Variants in EPC2 observed in about 807,000 individuals in gnomAD.
The protein encoded by EPC2 is enhancer of polycomb 2.
EPC2 carries 14 observed loss-of-function variants against 92.1 expected under a neutral mutation model. The ratio of observed to expected loss-of-function variants is 0.15; its 90% CI spans 0.10 to 0.24. EPC2 has a LOEUF of 0.24. Ranked by LOEUF, EPC2 falls within the 10% of genes least tolerant of loss-of-function variation. The probability of loss-of-function intolerance (pLI) is 1.00; values close to 1 mark genes in which losing one functional copy is unlikely to be tolerated. For missense variants in EPC2, 755 were observed against 971.5 expected (o/e 0.78, Z 2.96); for synonymous variants, 340 against 334.7 (o/e 1.02, Z -0.17).
rs1208879824 is a variant in EPC2 at position 148,663,193 on chromosome 2, TG to T, written c.153+18024del. Among the ~76,000 whole-genome samples the T allele has an allele frequency of 3.0e-3, 295 of 98,644 alleles. 3 individuals carry two copies. Among genetic ancestry groups the T allele is most frequent in the Middle Eastern group, 9.6e-3 (2 of 208 alleles). 64.7% of individuals were successfully genotyped at this position (98,644 alleles called of 152,430 possible). On this transcript the variant is annotated intron_variant, in intron 1 of 13. Coordinates refer to ENST00000258484, the MANE Select transcript of EPC2 (RefSeq NM_015630.4). ...CCTCAAAAGGTATCTACTGTGTTTT[TG>T]TATTATTATTATTATTATTATTATT...
intron 2 of EPC2, among the ~76,000 whole-genome samples, chr2:148,729,031 CAAAAAA>C (rs376309552): frequency 0.024 from 1,521 of 63,580 alleles, 24 homozygotes; most frequent in African/African-American, 0.1. Flanking sequence ...AACTCCATCT[CAAAAAA>C]AAAAAAAAAA....
intron 7 of EPC2, among the ~76,000 whole-genome samples, chr2:148,766,964 G>A (rs923262932): frequency 2.6e-5 from 4 of 152,042 alleles, no homozygotes; most frequent in Non-Finnish European, 5.9e-5. Context: ...CAGGTGGATT[G>A]CTTGAGCCCA....
At chr2:148,705,282 G>T (rs2081296650) in intron 2 of EPC2, among the ~76,000 whole-genome samples, 1 of 149,324 alleles carries the variant, frequency 6.7e-6, no homozygotes, top group South Asian at 2.2e-4. Context: ...ATTTACTACT[G>T]CACAGTTATC....
intron 2 of EPC2, among the ~76,000 whole-genome samples, chr2:148,707,250 A>G (rs140134302): frequency 0.025 from 3,843 of 152,324 alleles, 55 homozygotes; most frequent in East Asian, 0.032. Context: ...AGAGATAAAG[A>G]AGGCCATTAC....
intron 2 of EPC2, among the ~76,000 whole-genome samples, chr2:148,743,265 C>A (rs763736962): frequency 6.6e-6 from 1 of 151,990 alleles, no homozygotes. Context: ...CCATTATACT[C>A]TGTTCTTGAG....
At chr2:148,670,841 G>A (rs1264854292) in intron 1 of EPC2, among the ~76,000 whole-genome samples, 3 of 151,880 alleles carry the variant, frequency 2.0e-5, no homozygotes, top group Admixed American at 6.6e-5. Flanking sequence ...TAGCTGGCAC[G>A]TGCCACCTAT....
chr2:148,741,303 AC>A (rs1170576223), intron 2 of EPC2, among the ~76,000 whole-genome samples: 39 of 152,256 alleles, frequency 2.6e-4, no homozygotes, highest in African/African-American at 9.4e-4. Context: ...CACTTTGAGT[AC>A]TACCTTGCCC....
Position 148,644,798 on chromosome 2 carries a change from G to C in EPC2, c.-220G>C, listed in dbSNP as rs995641830. Reference sequence around the variant, plus strand: ...ATGGCGCAGGGAGCGGATCGGGCGGGCGAGCGGCGGATCTAGTGTGTGGAG... The same window carrying C: ...ATGGCGCAGGGAGCGGATCGGGCGGCCGAGCGGCGGATCTAGTGTGTGGAG... On this transcript the variant is annotated 5_prime_UTR_variant, in exon 1 of 14. Coordinates refer to ENST00000258484, the MANE Select transcript of EPC2 (RefSeq NM_015630.4). 7.3e-5 allele frequency among the ~76,000 whole-genome samples: 11 copies of C among 150,582 alleles called. No individual in the cohort carries two copies. The highest frequency in any genetic ancestry group is 2.7e-4 in the African/African-American group (11 of 41,054).
At chr2:148,671,873 G>GTA (rs751053434) in intron 1 of EPC2, among the ~76,000 whole-genome samples, 1 of 151,744 alleles carries the variant, frequency 6.6e-6, no homozygotes, top group Non-Finnish European at 1.5e-5. Context: ...GGTGTACAGT[G>GTA]TATAGTTGAG....
intron 10 of EPC2, among the ~76,000 whole-genome samples, chr2:148,772,589 A>C (rs1189688006): frequency 2.6e-5 from 4 of 152,140 alleles, no homozygotes; most frequent in Non-Finnish European, 5.9e-5. Context: ...TATAATGGAA[A>C]ATTGGATTTG....
intron 1 of EPC2, among the ~76,000 whole-genome samples, chr2:148,657,796 G>A (rs893190295): frequency 1.7e-4 from 26 of 152,040 alleles, no homozygotes; most frequent in African/African-American, 5.1e-4. Context: ...ATGCCTTTCT[G>A]CCTTACCATT....
intron 7 of EPC2, among the ~76,000 whole-genome samples, chr2:148,766,999 C>T (rs1478762688): frequency 1.3e-5 from 2 of 151,944 alleles, no homozygotes; most frequent in African/African-American, 4.8e-5. Context: ...GCCTGGGCAA[C>T]ATGGTGAAAC....
chr2:148,692,108 G>A (rs553244139), intron 2 of EPC2: 38 of 240,296 alleles, frequency 1.6e-4, no homozygotes, highest in African/African-American at 8.1e-4. Context: ...GTACCATAGG[G>A]ACTACGAAAA....
chr2:148,743,802 A>G (rs761502778), intron 3 of EPC2, 35 bp downstream of exon 3: 21 of 1,460,438 alleles, frequency 1.4e-5, no homozygotes, highest in Non-Finnish European at 1.8e-5. Context: ...CTTATCTTCT[A>G]GTTAACCCAA....
chr2:148,776,607 AC>A (rs1437345863), intron 10 of EPC2, among the ~76,000 whole-genome samples: 1 of 152,196 alleles, frequency 6.6e-6, no homozygotes, highest in East Asian at 1.9e-4. Context: ...TCCTATTCTA[AC>A]CCAGAGGATT....
intron 2 of EPC2, among the ~76,000 whole-genome samples, chr2:148,708,497 G>A (rs968257600): frequency 6.6e-6 from 1 of 152,150 alleles, no homozygotes; most frequent in African/African-American, 2.4e-5. Context: ...CATTTTATGA[G>A]GCCAGCATCA....
intron 2 of EPC2, among the ~76,000 whole-genome samples, chr2:148,695,453 A>C (rs1032726022): frequency 6.6e-6 from 1 of 152,244 alleles, no homozygotes; most frequent in Non-Finnish European, 1.5e-5. Context: ...ACTGTTGTCA[A>C]GTCTACATTG....
intron 2 of EPC2, among the ~76,000 whole-genome samples, chr2:148,698,470 T>C (rs998122598): frequency 6.6e-5 from 10 of 151,792 alleles, no homozygotes; most frequent in Non-Finnish European, 1.3e-4. Context: ...ACCCTATCTC[T>C]ACTAAAAATA....
chr2:148,664,929 A>C (rs1206147571), intron 1 of EPC2, among the ~76,000 whole-genome samples: 1 of 152,158 alleles, frequency 6.6e-6, no homozygotes, highest in Non-Finnish European at 1.5e-5. Flanking sequence ...TTTGGGGTAA[A>C]TACATACCTG....
Sources: gnomAD v4.1 joint callset for allele counts (sites outside exome capture counted in the v4.1 genomes callset) on GRCh38, gnomAD v4.1.1 for gene constraint, MANE v1.5 for transcripts, NCBI Gene and HGNC (gene_info 2026-07-23, HGNC 2026-07-21) for gene names.